DTWD2: variants seen among roughly 807,000 people sequenced by gnomAD.
DTWD2 encodes the protein DTW motif tRNA-uridine aminocarboxypropyltransferase 2.
Under a neutral mutation model 31.8 loss-of-function variants are expected in DTWD2, and 39 were observed. That is an observed-to-expected ratio of 1.22 (90% CI 0.95 to 1.60). The LOEUF (loss-of-function observed/expected upper bound fraction) is 1.60. Ranked by LOEUF, DTWD2 falls within the 40% of genes most tolerant of loss-of-function variation. The pLI is 0.00. For missense variants in DTWD2, 515 were observed against 381.5 expected (o/e 1.35, Z -2.92); for synonymous variants, 180 against 142.8 (o/e 1.26, Z -1.86).
chr5:118,957,894 T>G (rs1247163425), intron 1 of DTWD2, among the ~76,000 whole-genome samples: 1 of 152,206 alleles, frequency 6.6e-6, no homozygotes, highest in East Asian at 1.9e-4. Context: ...TTAAAGACTT[T>G]ATCTCACCAA....
At chr5:118,971,363 C>A (rs1389409353) in intron 1 of DTWD2, among the ~76,000 whole-genome samples, 1 of 151,830 alleles carries the variant, frequency 6.6e-6, no homozygotes, top group East Asian at 1.9e-4. Flanking sequence ...GACTTTAAAC[C>A]AACAAAGATC....
chr5:118,842,857 G>A (rs1751751348), intron 5 of DTWD2, among the ~76,000 whole-genome samples: 1 of 151,890 alleles, frequency 6.6e-6, no homozygotes. Context: ...TGAGGCAGGA[G>A]GATCGCTTGA....
chr5:118,854,196 T>C (rs886206564), intron 4 of DTWD2, among the ~76,000 whole-genome samples: 1 of 152,198 alleles, frequency 6.6e-6, no homozygotes, highest in Non-Finnish European at 1.5e-5. Flanking sequence ...CTGAGAAATC[T>C]ATAAAAAGTG....
intron 2 of DTWD2, among the ~76,000 whole-genome samples, chr5:118,944,299 A>C (rs1754276940): frequency 2.6e-5 from 4 of 152,224 alleles, no homozygotes; most frequent in Admixed American, 2.6e-4. Context: ...TTTTTTCTTC[A>C]TACAAAATTG....
At chr5:118,982,839 C>A (rs747295411) in intron 1 of DTWD2, among the ~76,000 whole-genome samples, 33 of 151,910 alleles carry the variant, frequency 2.2e-4, no homozygotes, top group Non-Finnish European at 1.5e-4. Context: ...CAGGCACTCA[C>A]CACCACGCCC....
intron 4 of DTWD2, among the ~76,000 whole-genome samples, chr5:118,874,133 A>C (rs1289098099): frequency 6.6e-6 from 1 of 152,228 alleles, no homozygotes; most frequent in Non-Finnish European, 1.5e-5. Flanking sequence ...CAGTCGACTG[A>C]ATCCACCTTA....
At chr5:118,978,211 T>C (rs1177918920) in intron 1 of DTWD2, among the ~76,000 whole-genome samples, 1 of 151,796 alleles carries the variant, frequency 6.6e-6, no homozygotes, top group Non-Finnish European at 1.5e-5. Context: ...TTACACCTTA[T>C]ACAAAAACTA....
chr5:118,866,788 G>C (rs1023861686), intron 4 of DTWD2, among the ~76,000 whole-genome samples: 9 of 151,810 alleles, frequency 5.9e-5, no homozygotes, highest in African/African-American at 2.2e-4. Flanking sequence ...GTGATGGCAC[G>C]TGCCTGTAAT....
At chr5:118,881,854 G>A (rs1046451475) in intron 4 of DTWD2, among the ~76,000 whole-genome samples, 2 of 152,110 alleles carry the variant, frequency 1.3e-5, no homozygotes, top group African/African-American at 4.8e-5. Flanking sequence ...CCAACACTGG[G>A]AATTAAAATT....
At chr5:118,963,120 T>G (rs1156300749) in intron 1 of DTWD2, among the ~76,000 whole-genome samples, 1 of 151,968 alleles carries the variant, frequency 6.6e-6, no homozygotes, top group African/African-American at 2.4e-5. Context: ...AAAAAGTAAT[T>G]AAGGATATGT....
At chr5:118,904,740 T>A (rs1046221864) in intron 4 of DTWD2, among the ~76,000 whole-genome samples, 1 of 152,100 alleles carries the variant, frequency 6.6e-6, no homozygotes, top group Admixed American at 6.5e-5. Flanking sequence ...TGATAACATG[T>A]GGAGAAAGAA....
intron 1 of DTWD2, chr5:118,973,660 AGCCTCCTTGCTCGCCG>A (rs1755049753): frequency 1.1e-5 from 10 of 874,538 alleles, no homozygotes; most frequent in Middle Eastern, 3.3e-4. Context: ...TGCTCGCGGC[AGCCTCCTTGCTCGCCG>A]CAGCCGCCTC....
At chr5:118,878,891 T>G (rs1036067390) in intron 4 of DTWD2, among the ~76,000 whole-genome samples, 3 of 152,090 alleles carry the variant, frequency 2.0e-5, no homozygotes, top group African/African-American at 7.2e-5. Flanking sequence ...GAAAGAAAGC[T>G]CAATATCACT....
intron 4 of DTWD2, among the ~76,000 whole-genome samples, chr5:118,869,256 A>T (rs1037982703): frequency 6.6e-6 from 1 of 152,268 alleles, no homozygotes; most frequent in Middle Eastern, 3.4e-3. Context: ...ATTAAAAGAG[A>T]TATCAGTTGA....
chr5:118,896,647 T>C (rs563683101), intron 4 of DTWD2, among the ~76,000 whole-genome samples: 17 of 152,214 alleles, frequency 1.1e-4, no homozygotes, highest in Non-Finnish European at 2.2e-4. Context: ...CACAAAGTAT[T>C]TATAAAATAT....
chr5:118,934,272 TAAAAAAAAAAAAAAAAA>T (rs397999089), intron 3 of DTWD2, among the ~76,000 whole-genome samples: 1 of 23,556 alleles, frequency 4.2e-5, no homozygotes, highest in African/African-American at 1.7e-4. Flanking sequence ...TTGTCTCCAT[TAAAAAAAAAAAAAAAAA>T]AAAAAAAAAA....
chr5:118,842,780 A>G (rs1214748296), intron 5 of DTWD2, among the ~76,000 whole-genome samples: 1 of 151,374 alleles, frequency 6.6e-6, no homozygotes, highest in Non-Finnish European at 1.5e-5. Flanking sequence ...TAAAAAAAAA[A>G]AAAGAAAATA....
At chr5:118,969,059 T>G (rs999265697) in intron 1 of DTWD2, among the ~76,000 whole-genome samples, 2 of 152,182 alleles carry the variant, frequency 1.3e-5, no homozygotes, top group Non-Finnish European at 2.9e-5. Context: ...GTGGTCAGAC[T>G]GCTCCTCTAA....
chr5:118,913,772 T>G (rs1244950465), intron 4 of DTWD2, among the ~76,000 whole-genome samples: 1 of 151,988 alleles, frequency 6.6e-6, no homozygotes, highest in Non-Finnish European at 1.5e-5. Context: ...CTGGCAAACA[T>G]GATTATAAAA....
Sources: allele counts gnomAD v4.1 joint callset (sites outside exome capture counted in the v4.1 genomes callset), GRCh38; gene constraint gnomAD v4.1.1; transcripts MANE v1.5; gene names NCBI Gene and HGNC (gene_info 2026-07-23, HGNC 2026-07-21).